THEMIS: variants seen among roughly 807,000 people sequenced by gnomAD.
THEMIS encodes the protein thymocyte selection associated.
A neutral mutation model predicts 52.6 loss-of-function variants in THEMIS; 37 were observed. The observed-to-expected ratio is 0.70, with a 90% CI of 0.54 to 0.93. The LOEUF is 0.93. Among genes scored for constraint, THEMIS ranks in the 40% least tolerant of loss-of-function variants. THEMIS has a pLI of 0.00. For synonymous variants in THEMIS, 292 were observed against 272.7 expected, an observed-to-expected ratio of 1.07 and a Z score of -0.70; for missense variants, 808 against 763.1, an observed-to-expected ratio of 1.06 and a Z score of -0.69.
At chr6:127,789,327 A>G (rs1173435238) in intron 4 of THEMIS, among the ~76,000 whole-genome samples, 1 of 152,216 alleles carries the variant, frequency 6.6e-6, no homozygotes, top group African/African-American at 2.4e-5. Flanking sequence ...TAAACCAGGA[A>G]GAAGTTGAAT....
At chr6:127,805,024 T>G (rs1396983211) in intron 4 of THEMIS, among the ~76,000 whole-genome samples, 1 of 152,150 alleles carries the variant, frequency 6.6e-6, no homozygotes, top group Non-Finnish European at 1.5e-5. Flanking sequence ...TTTAATTTTG[T>G]GTGCACCTTC....
intron 4 of THEMIS, among the ~76,000 whole-genome samples, chr6:127,772,237 G>C (rs558290652): frequency 6.6e-6 from 1 of 151,704 alleles, no homozygotes; most frequent in East Asian, 1.9e-4. Context: ...AAGTGGAATT[G>C]CTAGGTCAAA....
chr6:127,886,805 T>G (rs1780660750), intron 1 of THEMIS, among the ~76,000 whole-genome samples: 1 of 152,180 alleles, frequency 6.6e-6, no homozygotes, highest in South Asian at 2.1e-4. Context: ...TCCTGAACTC[T>G]GCCCTATACT....
intron 4 of THEMIS, 75 bp from the exon 5 acceptor site, chr6:127,719,898 A>C: frequency 1.3e-6 from 2 of 1,537,308 alleles, no homozygotes; most frequent in Non-Finnish European, 1.8e-6. Flanking sequence ...GATTTATCAC[A>C]TGGCAATTCA....
At chr6:127,861,818 A>AAGAAC in intron 1 of THEMIS, among the ~76,000 whole-genome samples, 1 of 151,154 alleles carries the variant, frequency 6.6e-6, no homozygotes, top group Non-Finnish European at 1.5e-5. Flanking sequence ...AAAGAAAGAA[A>AAGAAC]AGAAAAAAAA....
In THEMIS at chr6:127,736,633, A is replaced by G. The variant is rs561861689; in HGVS notation, c.1759-16810T>C. ...CTATCAAGTACAAAAGGATTAAACA[A>G]TATCCTCAAATGCAAATCAAATTGG... On this transcript the variant is annotated intron_variant, in intron 4 of 5. Coordinates refer to ENST00000368248, the MANE Select transcript of THEMIS (RefSeq NM_001010923.3). Among the ~76,000 whole-genome samples, 16 of 152,310 alleles carry G rather than the reference A, an allele frequency of 1.1e-4. No homozygotes were observed. The South Asian group carries it at 3.3e-3, about 32-fold the overall frequency.
At chr6:127,800,264 T>G (rs910868794) in intron 4 of THEMIS, among the ~76,000 whole-genome samples, 4 of 152,220 alleles carry the variant, frequency 2.6e-5, no homozygotes, top group African/African-American at 9.7e-5. Flanking sequence ...ATTTTAGATT[T>G]TTTAATATAT....
At chr6:127,902,540 C>T (rs1371523202), upstream of THEMIS, among the ~76,000 whole-genome samples, 1 of 152,006 alleles carries the variant, frequency 6.6e-6, no homozygotes, top group Non-Finnish European at 1.5e-5. Context: ...AAGATAAAAA[C>T]TGCCTAGTTT....
intron 2 of THEMIS, among the ~76,000 whole-genome samples, chr6:127,830,258 G>C (rs938410663): frequency 2.0e-5 from 3 of 152,152 alleles, no homozygotes; most frequent in African/African-American, 7.2e-5. Context: ...CCCAAGCAAG[G>C]CATCTTACTT....
intron 1 of THEMIS, among the ~76,000 whole-genome samples, chr6:127,916,273 T>C (rs1471446747): frequency 6.6e-6 from 1 of 151,860 alleles, no homozygotes; most frequent in African/African-American, 2.4e-5. Context: ...TATATGCACA[T>C]ATATATTTAT....
intron 4 of THEMIS, among the ~76,000 whole-genome samples, chr6:127,777,748 A>G (rs1201682551): frequency 5.3e-5 from 8 of 152,172 alleles, no homozygotes; most frequent in Non-Finnish European, 1.2e-4. Flanking sequence ...AATTATTTAT[A>G]TGATAAAAAG....
At chr6:127,755,208 T>A (rs557072842) in intron 4 of THEMIS, among the ~76,000 whole-genome samples, 2 of 152,222 alleles carry the variant, frequency 1.3e-5, no homozygotes, top group Non-Finnish European at 2.9e-5. Flanking sequence ...TAGATTAGAT[T>A]TGAAGACAAA....
chr6:127,697,199 G>C, the THEMIS span, among the ~76,000 whole-genome samples: 1 of 152,086 alleles, frequency 6.6e-6, no homozygotes, highest in East Asian at 1.9e-4. Flanking sequence ...TATAGTCAAT[G>C]GTAACTCCAT....
intron 4 of THEMIS, among the ~76,000 whole-genome samples, chr6:127,772,125 A>G (rs1776407391): frequency 1.3e-5 from 2 of 151,886 alleles, no homozygotes; most frequent in African/African-American, 4.8e-5. Context: ...CTATTAATAG[A>G]TATCTAGATT....
intron 1 of THEMIS, among the ~76,000 whole-genome samples, chr6:127,870,880 C>T (rs1780137035): frequency 6.6e-6 from 1 of 152,066 alleles, no homozygotes; most frequent in Non-Finnish European, 1.5e-5. Context: ...ATAGACAAAT[C>T]AACAATTACA....
At chr6:127,724,144 G>GGTA (rs1469298903) in intron 4 of THEMIS, among the ~76,000 whole-genome samples, 2 of 151,900 alleles carry the variant, frequency 1.3e-5, no homozygotes, top group African/African-American at 4.8e-5. Flanking sequence ...ATTATATATT[G>GGTA]GTAGATAAAA....
At chr6:127,800,699 A>G (rs6940050) in intron 4 of THEMIS, among the ~76,000 whole-genome samples, 3,405 of 152,264 alleles carry the variant, frequency 0.022, 142 homozygotes, top group African/African-American at 0.078. Flanking sequence ...CTTAGAGTGC[A>G]GCAGAATATA....
intron 5 of THEMIS, among the ~76,000 whole-genome samples, chr6:127,714,444 A>T (rs1774089135): frequency 6.6e-6 from 1 of 151,822 alleles, no homozygotes; most frequent in East Asian, 1.9e-4. Context: ...GAAAAATCAA[A>T]CATTCCTGCC....
intron 1 of THEMIS, among the ~76,000 whole-genome samples, chr6:127,889,040 G>T (rs918796989): frequency 3.3e-5 from 5 of 152,004 alleles, no homozygotes; most frequent in African/African-American, 1.2e-4. Context: ...AAACAATAAA[G>T]TATATTTCTT....
Sources: allele counts gnomAD v4.1 joint callset (sites outside exome capture counted in the v4.1 genomes callset), GRCh38; gene constraint gnomAD v4.1.1; transcripts MANE v1.5; gene names NCBI Gene and HGNC (gene_info 2026-07-23, HGNC 2026-07-21).